AKAP19: variants seen among roughly 807,000 people sequenced by gnomAD.
AKAP19 encodes A-kinase anchoring protein 19.
the AKAP19 span, among the ~76,000 whole-genome samples, chr2:189,983,773 T>G: frequency 2.0e-5 from 3 of 152,188 alleles, no homozygotes; most frequent in South Asian, 4.1e-4. Flanking sequence ...TTTTTGGTTT[T>G]GGGGGAACTG....
At chr2:189,951,683 C>T in the AKAP19 span, among the ~76,000 whole-genome samples, 11 of 152,168 alleles carry the variant, frequency 7.2e-5, no homozygotes, top group African/African-American at 2.7e-4. Context: ...TCTTCCAATA[C>T]CTAAAAGTCT....
chr2:190,081,401 G>A, the AKAP19 span, among the ~76,000 whole-genome samples: 24 of 152,072 alleles, frequency 1.6e-4, no homozygotes, highest in South Asian at 1.9e-3. Flanking sequence ...CTCCATGTCC[G>A]CCAGAGCCCA....
chr2:189,936,683 T>C, the AKAP19 span, among the ~76,000 whole-genome samples: 1 of 152,230 alleles, frequency 6.6e-6, no homozygotes, highest in Non-Finnish European at 1.5e-5. Flanking sequence ...GAGAAATTTT[T>C]CATGGTATAG....
At chr2:190,014,452 T>G in the AKAP19 span, among the ~76,000 whole-genome samples, 8 of 152,100 alleles carry the variant, frequency 5.3e-5, no homozygotes, top group African/African-American at 1.9e-4. Context: ...TGGGGGACAT[T>G]GCCACCATGA....
the AKAP19 span, among the ~76,000 whole-genome samples, chr2:189,976,852 C>A: frequency 6.6e-6 from 1 of 152,252 alleles, no homozygotes. Context: ...TGGGAGTGAC[C>A]CAATTTTCCC....
the AKAP19 span, chr2:190,056,261 TAAA>T: frequency 6.6e-6 from 1 of 152,438 alleles, no homozygotes; most frequent in Admixed American, 6.6e-5. Context: ...CCAAAGTAAA[TAAA>T]AAAGGAGACA....
the AKAP19 span, among the ~76,000 whole-genome samples, chr2:190,111,936 C>T: frequency 1.1e-3 from 165 of 152,086 alleles, 1 homozygote; most frequent in South Asian, 2.1e-3. Flanking sequence ...CTCGCTCTGT[C>T]GCCCAGGCTG....
the AKAP19 span, among the ~76,000 whole-genome samples, chr2:190,139,604 C>T: frequency 6.6e-6 from 1 of 152,196 alleles, no homozygotes; most frequent in Non-Finnish European, 1.5e-5. Context: ...AGGAGTAGTG[C>T]TAAGCAAAGA....
chr2:190,189,449 AAACAT>A, the AKAP19 span, among the ~76,000 whole-genome samples: 2 of 152,228 alleles, frequency 1.3e-5, no homozygotes, highest in East Asian at 3.9e-4. Context: ...AAGAGATGAT[AAACAT>A]AACATAAATT....
chr2:189,975,331 A>G, the AKAP19 span, among the ~76,000 whole-genome samples: 3 of 152,132 alleles, frequency 2.0e-5, no homozygotes. Context: ...TGGCTTGTAG[A>G]GTTTCTGCTG....
chr2:190,015,618 G>A, the AKAP19 span, among the ~76,000 whole-genome samples: 1 of 152,198 alleles, frequency 6.6e-6, no homozygotes, highest in Non-Finnish European at 1.5e-5. Context: ...GCAAATTTCT[G>A]CAGCCAGCTT....
At chr2:190,074,319 A>G in the AKAP19 span, among the ~76,000 whole-genome samples, 3 of 152,294 alleles carry the variant, frequency 2.0e-5, no homozygotes, top group East Asian at 5.8e-4. Context: ...TTTTAAGGTG[A>G]AATAATTTAA....
At chr2:189,980,404 T>C in the AKAP19 span, among the ~76,000 whole-genome samples, 7 of 152,314 alleles carry the variant, frequency 4.6e-5, no homozygotes, top group African/African-American at 1.7e-4. Flanking sequence ...AGTGGTGCAA[T>C]CTCAGCTCAC....
chr2:190,045,027 C>T, the AKAP19 span, among the ~76,000 whole-genome samples: 1 of 152,156 alleles, frequency 6.6e-6, no homozygotes, highest in Non-Finnish European at 1.5e-5. Context: ...TTGCTTCAGG[C>T]ACTCCGAAGC....
At chr2:190,068,309 ATAGT>A in the AKAP19 span, among the ~76,000 whole-genome samples, 2 of 152,116 alleles carry the variant, frequency 1.3e-5, no homozygotes, top group Non-Finnish European at 2.9e-5. Context: ...TACCTGGCAC[ATAGT>A]TAGACGGGGA....
the AKAP19 span, among the ~76,000 whole-genome samples, chr2:190,110,710 G>A: frequency 6.6e-6 from 1 of 152,116 alleles, no homozygotes; most frequent in South Asian, 2.1e-4. Flanking sequence ...CTTGTCTCAG[G>A]AATGATCTAG....
At chr2:189,973,117 G>C in the AKAP19 span, among the ~76,000 whole-genome samples, 117 of 152,104 alleles carry the variant, frequency 7.7e-4, no homozygotes, top group Non-Finnish European at 1.2e-3. Flanking sequence ...TTGGCTGTGG[G>C]TTTGTCATAA....
At chr2:189,904,313 C>T in the AKAP19 span, among the ~76,000 whole-genome samples, 2,903 of 152,082 alleles carry the variant, frequency 0.019, 47 homozygotes, top group Admixed American at 0.051. Flanking sequence ...ACACAAAGTG[C>T]GTAAGTGACC....
At chr2:190,001,674 A>T in the AKAP19 span, among the ~76,000 whole-genome samples, 2 of 152,184 alleles carry the variant, frequency 1.3e-5, no homozygotes, top group Non-Finnish European at 2.9e-5. Context: ...TTGATTCAGT[A>T]AGGCTTCTGT....
Sources: gnomAD v4.1 joint callset for allele counts (sites outside exome capture counted in the v4.1 genomes callset) on GRCh38, gnomAD v4.1.1 for gene constraint, MANE v1.5 for transcripts, NCBI Gene and HGNC (gene_info 2026-07-23, HGNC 2026-07-21) for gene names.